FAM83A: variants seen among roughly 807,000 people sequenced by gnomAD.
FAM83A encodes the protein protein FAM83A.
FAM83A carries 21 observed loss-of-function variants against 24.4 expected under a neutral mutation model. The observed-to-expected ratio is 0.86, with a 90% CI of 0.61 to 1.24. The LOEUF is 1.24. Among genes scored for constraint, FAM83A ranks in the 50% most tolerant of loss-of-function variants. The pLI, the probability that FAM83A is intolerant of heterozygous loss-of-function variation, is 0.00. For synonymous variants in FAM83A, 270 were observed against 252.4 expected (o/e 1.07, Z -0.66); for missense variants, 617 against 579.8 (o/e 1.06, Z -0.66).
At chr8:123,206,974 CCCCTTCCCACTT>C (rs1824573286) in intron 3 of FAM83A, among the ~76,000 whole-genome samples, 171 bp from the exon 4 acceptor site, 1 of 135,116 alleles carries the variant, frequency 7.4e-6, no homozygotes, top group African/African-American at 2.8e-5. Flanking sequence ...TCCTCCTCCT[CCCCTTCCCACTT>C]CCCTTCCCCC....
At chr8:123,206,715 C>A (rs979679657) in intron 3 of FAM83A, among the ~76,000 whole-genome samples, 1 of 152,154 alleles carries the variant, frequency 6.6e-6, no homozygotes, top group African/African-American at 2.4e-5. Flanking sequence ...GGCCCCTGAG[C>A]CTCAGTTTTG....
In FAM83A at chr8:123,207,357, C is replaced by A. The variant is rs776747428; in HGVS notation, c.974C>A (p.Ser325Tyr). The change falls in exon 4 of 4, where the codon TCC becomes TAC. Residue 325 changes from serine to tyrosine, a missense_variant. Coordinates refer to ENST00000690554, the Ensembl canonical transcript of FAM83A. ...GGCCGCCTTAGCAGCAGCAGTGGCT[C>A]CGCCAGTGACCGCACGTCCTCCAAC... 3.7e-6 allele frequency: 6 copies of A among 1,611,438 alleles called. No homozygotes were observed. In the South Asian group the frequency reaches 5.5e-5, roughly 15 times the overall value.
upstream of FAM83A, chr8:123,182,559 A>C: frequency 3.4e-6 from 2 of 593,762 alleles, no homozygotes; most frequent in Non-Finnish European, 6.3e-6. Flanking sequence ...GAGGAGAGGA[A>C]ATATCCCATG....
chr8:123,181,976 C>T, upstream of FAM83A: 1 of 452,748 alleles, frequency 2.2e-6, no homozygotes, highest in South Asian at 1.6e-5. Context: ...GTGGTCACTC[C>T]CCTCAGAGTT....
At chr8:123,198,816 C>T (rs2131090532) in intron 3 of FAM83A, among the ~76,000 whole-genome samples, 1 of 152,258 alleles carries the variant, frequency 6.6e-6, no homozygotes, top group East Asian at 1.9e-4. Flanking sequence ...CGGCTCACTG[C>T]AGCCTCAGCC....
rs1279891659 is a variant in FAM83A, at chr8:123,208,186, G to C, written c.*498G>C. The stretch of plus-strand genomic sequence containing the variant: ...GTGTGGGAACATTCTGGATGTTTCG[G>C]GAGAGTTGGGGAAACTCCTCCTCTT... On this transcript the variant is annotated 3_prime_UTR_variant, in exon 4 of 4. Transcript: ENST00000690554. The C allele has an allele frequency of 4.1e-6, 4 of 987,386 alleles. No individual in the cohort carries two copies. In the African/African-American group the frequency reaches 5.2e-5, roughly 13 times the overall value. 61.2% of individuals were successfully genotyped at this position (987,386 alleles called of 1,614,324 possible). A position where few individuals can be genotyped will look rare whatever the true frequency, so the allele number is the denominator to read the frequency against.
At chr8:123,192,477 AC>A (rs1824013894) in intron 2 of FAM83A, among the ~76,000 whole-genome samples, 1 of 152,088 alleles carries the variant, frequency 6.6e-6, no homozygotes, top group Non-Finnish European at 1.5e-5. Context: ...ACTTAACTGA[AC>A]CCCGTACTTC....
chr8:123,194,091 A>G (rs1397557264), exon 3 of FAM83A: 1 of 1,614,104 alleles, frequency 6.2e-7, no homozygotes, highest in East Asian at 2.2e-5. Flanking sequence ...TTCGCTGGCC[A>G]AATCCGGGAG....
chr8:123,204,260 A>AT (rs1340721830), intron 3 of FAM83A, among the ~76,000 whole-genome samples: 4 of 152,062 alleles, frequency 2.6e-5, no homozygotes, highest in African/African-American at 4.8e-5. Context: ...CCCCAAAAAA[A>AT]TTTTTTTAAG....
intron 3 of FAM83A, among the ~76,000 whole-genome samples, chr8:123,203,860 G>C (rs1563789166): frequency 6.6e-6 from 1 of 150,832 alleles, no homozygotes; most frequent in Non-Finnish European, 1.5e-5. Context: ...AGGAGGCTGA[G>C]GCAGAAGAAG....
rs777247371 is a variant in FAM83A at position 123,182,924 on chromosome 8, G to A, written c.68G>A (p.Arg23Gln). ...GAAGATGTCAAGAGCCAGTGGGTCC[G>A]GCCAGCCAGGGCTGACTTTAGTGAC... Residue 23 changes from arginine to glutamine, a missense_variant, in exon 1 of 4, where the codon CGG becomes CAG. Physicochemically the swap from Arg to Gln is conservative, Grantham distance 43 (BLOSUM62 1). Coordinates refer to ENST00000690554, the Ensembl canonical transcript of FAM83A. 8.4e-5 allele frequency: 130 copies of A among 1,550,724 alleles called. No individual in the cohort carries two copies. The highest frequency in any genetic ancestry group is 6.0e-4 in the Admixed American group (30 of 50,252).
exon 4 of FAM83A, chr8:123,207,859 A>G: frequency 2.9e-6 from 4 of 1,380,958 alleles, no homozygotes; most frequent in Non-Finnish European, 3.7e-6. Context: ...GCCGGCCCCC[A>G]CCAGTTCTTG....
chr8:123,182,431 C>T, upstream of FAM83A: 1 of 387,220 alleles, frequency 2.6e-6, no homozygotes, highest in Non-Finnish European at 5.2e-6. Context: ...CCTTCAGGCC[C>T]ATCCTCCAGC....
intron 2 of FAM83A, 35 bp from the exon 3 acceptor site, chr8:123,193,989 A>G: frequency 6.2e-7 from 1 of 1,613,328 alleles, no homozygotes; most frequent in Non-Finnish European, 8.5e-7. Context: ...TATAAACAGA[A>G]TTAGGAAGTG....
chr8:123,182,940 C>A lies in FAM83A; in HGVS notation c.84C>A (p.Asp28Glu), dbSNP rs144876692. 74 of 1,596,150 alleles carry A rather than the reference C, an allele frequency of 4.6e-5. No individual in the cohort carries two copies. Among genetic ancestry groups the A allele is most frequent in the Admixed American group, 1.0e-4 (6 of 57,776 alleles). ...AGTGGGTCCGGCCAGCCAGGGCTGACTTTAGTGACAACGAGAGTGCCCGGC... is the reference window on the plus strand; with the variant it reads ...AGTGGGTCCGGCCAGCCAGGGCTGAATTTAGTGACAACGAGAGTGCCCGGC... The change falls in exon 1 of 4, where the codon GAC (aspartate) becomes GAA (glutamate). Residue 28 changes from aspartate to glutamate, a missense_variant. Coordinates refer to ENST00000690554, the Ensembl canonical transcript of FAM83A.
intron 3 of FAM83A, among the ~76,000 whole-genome samples, chr8:123,204,764 T>C (rs1319665922): frequency 8.2e-6 from 1 of 122,196 alleles, no homozygotes; most frequent in African/African-American, 3.1e-5. Context: ...CTGTCTCAAA[T>C]AAAAAAAAAA....
chr8:123,203,118 G>A (rs1253059213), intron 3 of FAM83A, among the ~76,000 whole-genome samples: 1 of 151,826 alleles, frequency 6.6e-6, no homozygotes, highest in Admixed American at 6.6e-5. Context: ...CACCATGCAC[G>A]CATTTGTTTA....
intron 3 of FAM83A, among the ~76,000 whole-genome samples, chr8:123,206,369 C>A (rs1048646713): frequency 3.3e-5 from 5 of 152,114 alleles, no homozygotes; most frequent in Non-Finnish European, 7.4e-5. Flanking sequence ...CCTGCTGGGT[C>A]CCTGTGCCTG....
At chr8:123,186,572 G>A (rs368460594) in intron 1 of FAM83A, among the ~76,000 whole-genome samples, 8 of 152,240 alleles carry the variant, frequency 5.3e-5, no homozygotes, top group Non-Finnish European at 7.4e-5. Flanking sequence ...GCTCTCACCT[G>A]TAATCTCAGC....
Sources: allele counts gnomAD v4.1 joint callset (sites outside exome capture counted in the v4.1 genomes callset), GRCh38; gene constraint gnomAD v4.1.1; transcripts MANE v1.5; gene names NCBI Gene and HGNC (gene_info 2026-07-23, HGNC 2026-07-21).